WFDC8: variants seen among roughly 807,000 people sequenced by gnomAD.
The protein encoded by WFDC8 is WAP four-disulfide core domain 8.
A neutral mutation model predicts 27.0 loss-of-function variants in WFDC8; 24 were observed. The observed-to-expected ratio is 0.89, with a 90% CI of 0.64 to 1.25. The LOEUF is 1.25. Among genes scored for constraint, WFDC8 ranks in the 50% most tolerant of loss-of-function variants. The pLI, the probability that WFDC8 is intolerant of heterozygous loss-of-function variation, is 0.00. For missense variants in WFDC8, 287 were observed against 295.9 expected, an observed-to-expected ratio of 0.97 and a Z score of 0.22; for synonymous variants, 106 against 99.7, an observed-to-expected ratio of 1.06 and a Z score of -0.38.
chr20:45,555,426 T>TGTGCCATTGTGGCTTTCGGG (rs1980202312), intron 4 of WFDC8, among the ~76,000 whole-genome samples: 1 of 152,180 alleles, frequency 6.6e-6, no homozygotes, highest in South Asian at 2.1e-4. Flanking sequence ...GGCTTTCGGG[T>TGTGCCATTGTGGCTTTCGGG]CACATTGGCC....
At chr20:45,561,611 C>A (rs1980469935) in intron 2 of WFDC8, among the ~76,000 whole-genome samples, 1 of 152,130 alleles carries the variant, frequency 6.6e-6, no homozygotes, top group Non-Finnish European at 1.5e-5. Flanking sequence ...CTCTTTACTA[C>A]CACTCCCTCA....
chr20:45,555,994 A>C (rs74872912), intron 3 of WFDC8, 126 bp from the exon 4 acceptor site: 18 of 839,798 alleles, frequency 2.1e-5, no homozygotes, highest in Non-Finnish European at 3.2e-5. Flanking sequence ...ATGGCAGGGG[A>C]AAAAAAAAGG....
At chr20:45,563,289 A>C (rs1980535691) in intron 1 of WFDC8, among the ~76,000 whole-genome samples, 1 of 152,206 alleles carries the variant, frequency 6.6e-6, no homozygotes, top group African/African-American at 2.4e-5. Flanking sequence ...CAATTTCCTC[A>C]TCTGGAAAAT....
At chr20:45,562,005 C>T in intron 2 of WFDC8, 105 bp downstream of exon 2, 1 of 1,046,440 alleles carries the variant, frequency 9.6e-7, no homozygotes, top group Non-Finnish European at 1.4e-6. Context: ...GCCCCAAATC[C>T]ACAGTAGAGG....
chr20:45,553,259 G>A lies in WFDC8; in HGVS notation c.463C>T (p.Pro155Ser), dbSNP rs1034502676. The A allele has an allele frequency of 6.2e-7, 1 of 1,613,444 alleles. No homozygotes were observed. Among genetic ancestry groups the A allele is most frequent in the Non-Finnish European group, 8.5e-7 (1 of 1,179,628 alleles). The change falls in exon 5 of 6, where the codon CCA becomes TCA. Residue 155 changes from proline (P) to serine (S), a missense_variant. Pro to Ser is a moderately conservative substitution (Grantham distance 74). Coordinates refer to ENST00000289953, the MANE Select transcript of WFDC8 (RefSeq NM_130896.3). Reference protein sequence around the residue: ...CMLIVKDGQCPLFPFTERKEC... With the variant: ...CMLIVKDGQCSLFPFTERKEC... ...TTACGTTCAGTGAAAGGGAAGAGTG[G>A]GCATTGTCCATCCTTAACTAAAATA...
intron 4 of WFDC8, among the ~76,000 whole-genome samples, chr20:45,554,092 C>G (rs1227182912): frequency 6.6e-6 from 1 of 152,076 alleles, no homozygotes; most frequent in Non-Finnish European, 1.5e-5. Context: ...GTGGGAATAC[C>G]TCCTCAAGTG....
intron 2 of WFDC8, 114 bp downstream of exon 2, chr20:45,561,996 C>T: frequency 1.1e-6 from 1 of 933,508 alleles, no homozygotes; most frequent in Admixed American, 2.3e-5. Flanking sequence ...CTTTCTGTGG[C>T]CCCAAATCCA....
intron 2 of WFDC8, among the ~76,000 whole-genome samples, chr20:45,561,739 C>CAT (rs1568638042): frequency 1.4e-5 from 2 of 147,744 alleles, no homozygotes; most frequent in African/African-American, 5.0e-5. Flanking sequence ...ATTAAACTTG[C>CAT]GTGTGTGTGT....
intron 3 of WFDC8, among the ~76,000 whole-genome samples, chr20:45,557,745 T>C (rs1324114325): frequency 6.6e-6 from 1 of 152,130 alleles, no homozygotes; most frequent in African/African-American, 2.4e-5. Flanking sequence ...TAAAGATGTG[T>C]TTAAGCCTAG....
intron 5 of WFDC8, 145 bp downstream of exon 5, chr20:45,552,991 T>C (rs1338145055): frequency 4.4e-6 from 4 of 919,522 alleles, no homozygotes; most frequent in South Asian, 3.6e-5. Context: ...ATATAACTTG[T>C]TGGGCATTAA....
intron 1 of WFDC8, among the ~76,000 whole-genome samples, chr20:45,573,368 T>A (rs1023544229): frequency 6.6e-6 from 1 of 152,222 alleles, no homozygotes; most frequent in Non-Finnish European, 1.5e-5. Context: ...GATTGTATAG[T>A]GGTGAAGTCT....
intron 1 of WFDC8, among the ~76,000 whole-genome samples, chr20:45,564,053 AT>A (rs1980559580): frequency 6.6e-6 from 1 of 152,212 alleles, no homozygotes; most frequent in Non-Finnish European, 1.5e-5. Flanking sequence ...CTCTATTTTT[AT>A]TTTCTAAATC....
At chr20:45,554,704 G>C (rs1249291966) in intron 4 of WFDC8, among the ~76,000 whole-genome samples, 1 of 152,170 alleles carries the variant, frequency 6.6e-6, no homozygotes, top group African/African-American at 2.4e-5. Flanking sequence ...TGATTCCTTA[G>C]AGCTTCCCAT....
chr20:45,551,838 G>T lies in WFDC8; in HGVS notation c.*188C>A. The T allele has an allele frequency of 1.7e-6, 1 of 599,456 alleles. No individual in the cohort carries two copies. Among genetic ancestry groups the T allele is most frequent in the Non-Finnish European group, 2.8e-6 (1 of 358,762 alleles). 37.1% of individuals were successfully genotyped at this position (599,456 alleles called of 1,614,324 possible). A position where few individuals can be genotyped will look rare whatever the true frequency, so the allele number is the denominator to read the frequency against. ...CAAGAAGACAAGAAAATAAAGTCAT[G>T]AAGTTGAAAAAAAGCCAAATATATC... On this transcript the variant is annotated 3_prime_UTR_variant, in exon 6 of 6. Transcript: ENST00000289953.
In WFDC8 at chr20:45,552,110, G is replaced by A; in HGVS notation, c.642C>T (p.Pro214=). ...GGCACTCCTCATCCTGCAGGCACTT[G>A]GGTTTATCAATCTTGGTACATAGCA... ...KPLLCTKIDK[P]KCLQDEECPL... is the part of the protein sequence containing the mutation. The change falls in exon 6 of 6, where the codon CCC becomes CCT. Residue 214 remains proline (P), a synonymous_variant. Transcript: ENST00000289953. 1 of 1,614,060 alleles carries A rather than the reference G, an allele frequency of 6.2e-7. No homozygotes were observed.
chr20:45,558,422 T>C lies in WFDC8; in HGVS notation c.277+430A>G, dbSNP rs1980345798. ...TTGAATGAATAAATGTATGAGTGAG[T>C]GAATAAATGAATCTTTTTAAAAAAC... On this transcript the variant is annotated intron_variant, in intron 3 of 5. Coordinates refer to ENST00000289953, the MANE Select transcript of WFDC8 (RefSeq NM_130896.3). 2.0e-5 allele frequency among the ~76,000 whole-genome samples: 3 copies of C among 152,248 alleles called. No individual in the cohort carries two copies. The South Asian group carries it at 6.2e-4, about 32-fold the overall frequency.
At chr20:45,571,897 T>C (rs1001168109) in intron 1 of WFDC8, among the ~76,000 whole-genome samples, 2 of 152,224 alleles carry the variant, frequency 1.3e-5, no homozygotes, top group African/African-American at 4.8e-5. Flanking sequence ...CTTAGGTTGA[T>C]TCCATATCTT....
chr20:45,562,155 G>C lies in WFDC8; in HGVS notation c.91C>G (p.Leu31Val). The change falls in exon 2 of 6, where the codon CTT becomes GTT. Residue 31 changes from leucine (L) to valine (V), a missense_variant. Physicochemically the swap from Leu to Val is conservative, Grantham distance 32. Coordinates refer to ENST00000289953, the MANE Select transcript of WFDC8 (RefSeq NM_130896.3). ...ATTGCAGAAGTCCACTCCAAAGCAA[G>C]GGAGAGAAGCAGCAGGAAAGCTACA... ...RNVAFLLLLSLALEWTSAMLT... is the reference protein window; with the variant it reads ...RNVAFLLLLSVALEWTSAMLT... 1 of 1,614,162 alleles carries C rather than the reference G, an allele frequency of 6.2e-7. No individual in the cohort carries two copies. The highest frequency in any genetic ancestry group is 8.5e-7 in the Non-Finnish European group (1 of 1,180,030).
At chr20:45,560,385 A>G (rs1438029193) in intron 2 of WFDC8, among the ~76,000 whole-genome samples, 2 of 152,326 alleles carry the variant, frequency 1.3e-5, no homozygotes, top group East Asian at 3.9e-4. Context: ...TTGGCCTGGT[A>G]AGACCCGGAG....
Sources: gnomAD v4.1 joint callset for allele counts (sites outside exome capture counted in the v4.1 genomes callset) on GRCh38, gnomAD v4.1.1 for gene constraint, MANE v1.5 for transcripts, NCBI Gene and HGNC (gene_info 2026-07-23, HGNC 2026-07-21) for gene names.